The following ADAM33 variants were observed in gnomAD, a reference collection of about 807,000 sequenced individuals.
The protein encoded by ADAM33 is disintegrin and metalloproteinase domain-containing protein 33.
In ADAM33, 103 loss-of-function variants were observed where a neutral mutation model predicts 106.2. The ratio of observed to expected loss-of-function variants is 0.97; its 90% confidence interval spans 0.83 to 1.14. The LOEUF (loss-of-function observed/expected upper bound fraction) is 1.14, where lower values mean the gene tolerates loss of function less well. ADAM33 is among the 50% of genes most tolerant of loss of function. The pLI, the probability that ADAM33 is intolerant of heterozygous loss-of-function variation, is 0.00. For synonymous variants in ADAM33, 483 were observed against 453.0 expected, an observed-to-expected ratio of 1.07 and a Z score of -0.84; for missense variants, 1,120 against 1,096.6, an observed-to-expected ratio of 1.02 and a Z score of -0.30.
At chr20:3,679,426 TAGGGAG>T in intron 2 of ADAM33, 60 bp downstream of exon 2, 1 of 1,500,688 alleles carries the variant, frequency 6.7e-7, no homozygotes, top group Non-Finnish European at 9.1e-7. Context: ...AGCTGTAATG[TAGGGAG>T]AGACAAAAGG....
In ADAM33 at chr20:3,675,880, G is replaced by T. The variant is rs1600231792; in HGVS notation, c.255-775C>A. Among the ~76,000 whole-genome samples the T allele has an allele frequency of 6.6e-6, 1 of 151,302 alleles. No individual in the cohort carries two copies. Among genetic ancestry groups the T allele is most frequent in the Admixed American group, 6.6e-5 (1 of 15,168 alleles). ...AATGATGGCTGCTTCCCCCCTCCCA[G>T]GCATTCCACCACCTGCCCCAGCTCT... On this transcript the variant is annotated intron_variant, in intron 3 of 21. Coordinates refer to ENST00000356518, the MANE Select transcript of ADAM33 (RefSeq NM_025220.5). The surrounding 1 kb of genome is among the most constrained non-coding windows in gnomAD (Gnocchi z 4.1).
chr20:3,673,120 T>C, intron 11 of ADAM33: 1 of 1,461,180 alleles, frequency 6.8e-7, no homozygotes, highest in Admixed American at 2.4e-5. Flanking sequence ...ACGGTGCTCC[T>C]CCCGGTGTAG....
Position 3,668,275 on chromosome 20 carries a change from T to C in ADAM33, c.*688A>G, listed in dbSNP as rs1448039423. The C allele has an allele frequency of 1.3e-5, 2 of 152,886 alleles. No individual in the cohort carries two copies. Among genetic ancestry groups the C allele is most frequent in the African/African-American group, 4.8e-5 (2 of 41,462 alleles). 9.5% of individuals were successfully genotyped at this position (152,886 alleles called of 1,614,324 possible). A position where few individuals can be genotyped will look rare whatever the true frequency, so the allele number is the denominator to read the frequency against. ...TTATAGGCATGAGCCACCACGCCTATAGCCAACATGTCTTTCTTTTGACTT... is the reference window on the plus strand; with the variant it reads ...TTATAGGCATGAGCCACCACGCCTACAGCCAACATGTCTTTCTTTTGACTT... On this transcript the variant is annotated 3_prime_UTR_variant, in exon 22 of 22. Transcript: ENST00000356518.
chr20:3,669,490 G>T, intron 20 of ADAM33, 56 bp downstream of exon 20: 1 of 1,543,058 alleles, frequency 6.5e-7, no homozygotes. Context: ...GAGGCAGGAG[G>T]CATGAGCCCT....
chr20:3,669,729 C>A lies in ADAM33; in HGVS notation c.2241-92G>T, dbSNP rs777746917. Reference sequence around the variant, plus strand: ...AGCATGGTGTCCAGCCCAGGGAGTTCTGCGTTTACTGAGTTTCTTGGGGCA... The same window carrying A: ...AGCATGGTGTCCAGCCCAGGGAGTTATGCGTTTACTGAGTTTCTTGGGGCA... On this transcript the variant is annotated intron_variant, in intron 19 of 21. Transcript: ENST00000356518. The A allele has an allele frequency of 5.1e-6, 6 of 1,172,432 alleles. No homozygotes were observed. The South Asian group carries it at 6.5e-5, about 13-fold the overall frequency. 72.6% of individuals were successfully genotyped at this position (1,172,432 alleles called of 1,614,324 possible). A position where few individuals can be genotyped will look rare whatever the true frequency, so the allele number is the denominator to read the frequency against.
At position 3,671,110 on chromosome 20, in the gene ADAM33, C is replaced by A. The variant is rs1389555767; in HGVS notation, c.2136G>T (p.Leu712=). The A allele has an allele frequency of 1.9e-6, 3 of 1,603,802 alleles. No individual in the cohort carries two copies. Among genetic ancestry groups the A allele is most frequent in the Non-Finnish European group, 2.6e-6 (3 of 1,175,392 alleles). ...FLLAMLLSVL[L]PLLPGAGLAW... ...CCAGGCCGGCCCCTGGGAGCAGAGG[C>A]AGCAGGACGCTGAGGAGCATGGCCA... is the stretch of plus-strand genomic sequence containing the variant. Residue 712 remains leucine (L), a synonymous_variant, in exon 19 of 22, where the codon CTG becomes CTT. Coordinates refer to ENST00000356518, the MANE Select transcript of ADAM33 (RefSeq NM_025220.5).
At chr20:3,680,268 C>T (rs1262358599) in intron 1 of ADAM33, among the ~76,000 whole-genome samples, 3 of 152,122 alleles carry the variant, frequency 2.0e-5, no homozygotes, top group African/African-American at 7.2e-5. Flanking sequence ...CTCCACTGGC[C>T]CCAACCACTC....
rs141719654 is a variant in ADAM33 at position 3,671,600 on chromosome 20, G to A, written c.1886C>T (p.Thr629Ile). The change falls in exon 16 of 22, where the codon ACC (threonine) becomes ATC (isoleucine). Residue 629 changes from threonine (T) to isoleucine (I), a missense_variant. Coordinates refer to ENST00000356518, the MANE Select transcript of ADAM33 (RefSeq NM_025220.5). ...LLGLGLVEPG[T>I]QCGPRMVCQS... is the part of the protein sequence containing the mutation. ...GCTCACCATTCTAGGTCCACACTGGGTGCCTGGCTCTACCAGGCCCAGGCC... is the reference window on the plus strand; with the variant it reads ...GCTCACCATTCTAGGTCCACACTGGATGCCTGGCTCTACCAGGCCCAGGCC... 2.3e-5 allele frequency: 37 copies of A among 1,589,330 alleles called. No homozygotes were observed. Among genetic ancestry groups the A allele is most frequent in the Non-Finnish European group, 3.1e-5 (36 of 1,167,600 alleles).
intron 11 of ADAM33, 154 bp downstream of exon 11, chr20:3,673,200 T>A: frequency 6.6e-7 from 1 of 1,526,652 alleles, no homozygotes; most frequent in Non-Finnish European, 8.8e-7. Context: ...CTGAGCTTCT[T>A]CCCTTTAAGC....
At chr20:3,669,072 C>A in intron 21 of ADAM33, 72 bp from the exon 22 acceptor site, 11 of 1,533,066 alleles carry the variant, frequency 7.2e-6, no homozygotes, top group Non-Finnish European at 9.9e-6. Context: ...GCAGAGAGCC[C>A]ATCCTCACTC....
At chr20:3,674,723 G>A (rs1254755032) in intron 5 of ADAM33, 30 bp from the exon 6 acceptor site, 3 of 1,594,652 alleles carry the variant, frequency 1.9e-6, no homozygotes, top group South Asian at 2.3e-5. Context: ...GAGCGGGTGT[G>A]AGGGAGCTCT....
intron 8 of ADAM33, 33 bp from the exon 9 acceptor site, chr20:3,673,944 G>A (rs1568808871): frequency 6.3e-7 from 1 of 1,576,086 alleles, no homozygotes; most frequent in Non-Finnish European, 8.6e-7. Flanking sequence ...GCCGGGACAG[G>A]GCGCCCCATC....
intron 10 of ADAM33, 28 bp from the exon 11 acceptor site, chr20:3,673,524 G>A: frequency 6.8e-7 from 1 of 1,462,506 alleles, no homozygotes; most frequent in Non-Finnish European, 9.0e-7. Context: ...GGCGGTCACT[G>A]CGGCCGTAGA....
intron 1 of ADAM33, among the ~76,000 whole-genome samples, chr20:3,680,628 T>G (rs764566497): frequency 6.6e-6 from 1 of 151,916 alleles, no homozygotes; most frequent in African/African-American, 2.4e-5. Context: ...CAGGGAGGGC[T>G]CTGAGTGGAT....
chr20:3,674,991 T>C, intron 4 of ADAM33, 36 bp downstream of exon 4: 1 of 1,613,008 alleles, frequency 6.2e-7, no homozygotes. Flanking sequence ...GGGGTACCTC[T>C]GGCGGTGCAT....
intron 2 of ADAM33, 150 bp from the exon 3 acceptor site, chr20:3,677,293 G>C (rs1250971177): frequency 1.7e-6 from 1 of 603,282 alleles, no homozygotes; most frequent in Non-Finnish European, 2.8e-6. Flanking sequence ...ACTATGGAGG[G>C]CGTGGAGGAG....
Position 3,674,616 on chromosome 20 carries a change from G to A in ADAM33, c.488C>T (p.Thr163Ile). The A allele has an allele frequency of 1.2e-6, 2 of 1,612,846 alleles. No individual in the cohort carries two copies. Among genetic ancestry groups the A allele is most frequent in the Middle Eastern group, 1.7e-4 (1 of 6,054 alleles). ...WPPRGSKDFSTHEIFRMEQLL... is the reference protein window; with the variant it reads ...WPPRGSKDFSIHEIFRMEQLL... ...CTGCTCCATCCGAAAGATCTCGTGG[G>A]TTGAGAAGTCCTTGGAGCCCCGGGG... The change falls in exon 6 of 22, where the codon ACC becomes ATC. Residue 163 changes from threonine (T) to isoleucine (I), a missense_variant. Coordinates refer to ENST00000356518, the MANE Select transcript of ADAM33 (RefSeq NM_025220.5).
rs760193151 is a variant in ADAM33 at position 3,671,736 on chromosome 20, T to G, written c.1750A>C (p.Ser584Arg). Residue 584 changes from serine to arginine, a missense_variant, in exon 16 of 22, where the codon AGC becomes CGC. Ser to Arg is a moderately radical substitution (Grantham distance 110). Coordinates refer to ENST00000356518, the MANE Select transcript of ADAM33 (RefSeq NM_025220.5). ...GGCACCATGTGCGGTGCGAGCAGGC[T>G]GGGCTTTCCACCCTGGCACTGCAGC... ...GKLQCQGGKP[S>R]LLAPHMVPVD... The G allele has an allele frequency of 1.9e-6, 3 of 1,581,818 alleles. No homozygotes were observed. The African/African-American group carries it at 4.0e-5, about 21-fold the overall frequency.
At chr20:3,673,254 T>A in intron 11 of ADAM33, 100 bp downstream of exon 11, 1 of 1,533,996 alleles carries the variant, frequency 6.5e-7, no homozygotes, top group Non-Finnish European at 8.7e-7. Context: ...ATTATCCCCA[T>A]TTTACAGAAG....
Sources: allele counts gnomAD v4.1 joint callset (sites outside exome capture counted in the v4.1 genomes callset), GRCh38; gene constraint gnomAD v4.1.1; non-coding constraint Gnocchi (gnomAD v3.1); transcripts MANE v1.5; gene names NCBI Gene and HGNC (gene_info 2026-07-23, HGNC 2026-07-21).